IGF2BP1: variants seen among roughly 807,000 people sequenced by gnomAD.
IGF2BP1 encodes the protein insulin like growth factor 2 mRNA binding protein 1, also known as insulin-like growth factor 2 mRNA-binding protein 1.
IGF2BP1 carries 11 observed loss-of-function variants against 74.9 expected under a neutral mutation model. The ratio of observed to expected loss-of-function variants is 0.15; its 90% confidence interval spans 0.09 to 0.24. IGF2BP1 has a LOEUF of 0.24. Ranked by LOEUF, IGF2BP1 falls within the 10% of genes least tolerant of loss-of-function variation. The pLI is 1.00. For synonymous variants in IGF2BP1, 287 were observed against 281.8 expected (o/e 1.02, Z -0.18); for missense variants, 440 against 757.4 (o/e 0.58, Z 4.92).
At chr17:49,031,833 G>A in intron 4 of IGF2BP1, 77 bp from the exon 5 acceptor site, 1 of 1,312,532 alleles carries the variant, frequency 7.6e-7, no homozygotes, top group Non-Finnish European at 1.1e-6. Context: ...TCAAAACGTG[G>A]AAAGCTGGAG....
In IGF2BP1 at chr17:49,049,687, C is replaced by T; in HGVS notation, c.*243C>T. ...GGGTGTCAGAAATTCTAGCGCAAGGCACTTTTAAACGTGGATTGTTTAAAG... is the reference window on the plus strand; with the variant it reads ...GGGTGTCAGAAATTCTAGCGCAAGGTACTTTTAAACGTGGATTGTTTAAAG... On this transcript the variant is annotated 3_prime_UTR_variant, in exon 15 of 15. Transcript: ENST00000290341. 2.1e-6 allele frequency: 1 copy of T among 469,882 alleles called. No individual in the cohort carries two copies. Among genetic ancestry groups the T allele is most frequent in the Non-Finnish European group, 3.9e-6 (1 of 258,512 alleles). The allele number at this position is 469,882 out of a possible 1,614,324, so 29.1% of individuals were successfully genotyped here. A position where few individuals can be genotyped will look rare whatever the true frequency, so the allele number is the denominator to read the frequency against.
rs117000444 is a variant in IGF2BP1 at position 49,000,321 on chromosome 17, G to T, written c.236+1152G>T. Among the ~76,000 whole-genome samples the T allele has an allele frequency of 1.7e-3, 256 of 152,220 alleles. 9 individuals are homozygous for T. In the East Asian group the frequency reaches 0.047, roughly 28 times the overall value. On this transcript the variant is annotated intron_variant, in intron 2 of 14. Coordinates refer to ENST00000290341, the MANE Select transcript of IGF2BP1 (RefSeq NM_006546.4). The stretch of plus-strand genomic sequence containing the variant: ...CTTTTTCTGGGGGACCATTAAGAGG[G>T]CCTAGAAAGTTTAATGTGAGATAAA...
At chr17:49,043,920 G>A (rs73336317) in intron 10 of IGF2BP1, 47 bp from the exon 11 acceptor site, 3 of 1,604,948 alleles carry the variant, frequency 1.9e-6, no homozygotes, top group South Asian at 2.2e-5. Flanking sequence ...GGGTTTCTGG[G>A]CCATGCTACT....
intron 9 of IGF2BP1, 35 bp downstream of exon 9, chr17:49,042,412 C>G (rs772825071): frequency 6.2e-7 from 1 of 1,613,404 alleles, no homozygotes; most frequent in Non-Finnish European, 8.5e-7. Flanking sequence ...CTTATCCTTT[C>G]CTGAGTCTTA....
intron 4 of IGF2BP1, among the ~76,000 whole-genome samples, chr17:49,027,033 G>A (rs574220100): frequency 3.9e-5 from 6 of 152,302 alleles, no homozygotes; most frequent in South Asian, 2.1e-4. Context: ...GAGCCATTGC[G>A]CCCGGCCTCT....
intron 1 of IGF2BP1, 24 bp from the exon 2 acceptor site, chr17:48,999,085 T>TA (rs2041450078): frequency 7.3e-7 from 1 of 1,375,334 alleles, no homozygotes; most frequent in Non-Finnish European, 1.0e-6. Context: ...GCTCTCATGG[T>TA]AATTTTTTTT....
rs1000657008 is a variant in IGF2BP1, at chr17:49,053,678, C to G, written c.*4234C>G. ...TTCCCCTCCTCCCAACCCAGACATA[C>G]CCTCTGCCAAACTGGGAACCAGCAG... On this transcript the variant is annotated 3_prime_UTR_variant, in exon 15 of 15. Transcript: ENST00000290341. 6.5e-6 allele frequency: 1 copy of G among 152,736 alleles called. No individual in the cohort carries two copies. Among genetic ancestry groups the G allele is most frequent in the African/African-American group, 2.4e-5 (1 of 41,450 alleles). 9.5% of individuals were successfully genotyped at this position (152,736 alleles called of 1,614,324 possible). A position where few individuals can be genotyped will look rare whatever the true frequency, so the allele number is the denominator to read the frequency against.
At chr17:49,030,522 C>T (rs1385079755) in intron 4 of IGF2BP1, among the ~76,000 whole-genome samples, 1 of 152,096 alleles carries the variant, frequency 6.6e-6, no homozygotes, top group East Asian at 1.9e-4. Flanking sequence ...TTAGGTGTTT[C>T]CAAGTGTTGT....
chr17:49,038,078 CT>C, intron 5 of IGF2BP1, 89 bp from the exon 6 acceptor site: 1 of 1,198,434 alleles, frequency 8.3e-7, no homozygotes, highest in Non-Finnish European at 1.1e-6. Context: ...GTGTTCCAAG[CT>C]GTAACTTACT....
intron 4 of IGF2BP1, among the ~76,000 whole-genome samples, chr17:49,029,517 G>A (rs576007511): frequency 6.6e-6 from 1 of 152,162 alleles, no homozygotes; most frequent in African/African-American, 2.4e-5. Context: ...TCAGTGTTGT[G>A]GGGGGCAGAG....
At chr17:49,043,633 G>T in intron 10 of IGF2BP1, 83 bp downstream of exon 10, 1 of 1,521,866 alleles carries the variant, frequency 6.6e-7, no homozygotes, top group Admixed American at 1.9e-5. Context: ...TCTGGGAGTT[G>T]GATGCTTGGC....
At chr17:49,036,034 C>A (rs909879157) in intron 5 of IGF2BP1, among the ~76,000 whole-genome samples, 3 of 151,712 alleles carry the variant, frequency 2.0e-5, no homozygotes, top group African/African-American at 7.3e-5. Context: ...ATTTTACTAA[C>A]TTAATCCTCA....
chr17:49,042,495 T>A, intron 9 of IGF2BP1, 118 bp downstream of exon 9: 3 of 1,068,512 alleles, frequency 2.8e-6, no homozygotes, highest in Non-Finnish European at 4.2e-6. Flanking sequence ...CTTTAGTTGA[T>A]GCTTTTGGAC....
chr17:49,005,426 G>A (rs1279822641), intron 2 of IGF2BP1, among the ~76,000 whole-genome samples: 1 of 152,222 alleles, frequency 6.6e-6, no homozygotes, highest in Non-Finnish European at 1.5e-5. Flanking sequence ...CGATGATTAA[G>A]AGAAGTTTTG....
Position 49,038,417 on chromosome 17 carries a change from C to A in IGF2BP1, c.651C>A (p.Thr217=). 6.4e-7 allele frequency: 1 copy of A among 1,563,970 alleles called. No homozygotes were observed. Among genetic ancestry groups the A allele is most frequent in the Non-Finnish European group, 8.7e-7 (1 of 1,154,124 alleles). The change falls in exon 6 of 15, where the codon ACC becomes ACA. Residue 217 remains threonine, a synonymous_variant. Coordinates refer to ENST00000290341, the MANE Select transcript of IGF2BP1 (RefSeq NM_006546.4). ...CCATTATTGGCAAGGAGGGGGCCAC[C>A]ATCCGCAACATCACAAAACAGACCC... ...VGAIIGKEGA[T]IRNITKQTQS...
At chr17:48,999,645 A>T (rs985874217) in intron 2 of IGF2BP1, among the ~76,000 whole-genome samples, 1 of 151,910 alleles carries the variant, frequency 6.6e-6, no homozygotes, top group Non-Finnish European at 1.5e-5. Context: ...CCCGGCCCCC[A>T]AAGAATCCCC....
chr17:49,023,477 T>A lies in IGF2BP1; in HGVS notation c.237-2141T>A, dbSNP rs183255505. Reference sequence around the variant, plus strand: ...TAAACCTGGAGATACTGAGGTCATATGGGTAAAGTGAGTGAACTGGCTCAG... The same window carrying A: ...TAAACCTGGAGATACTGAGGTCATAAGGGTAAAGTGAGTGAACTGGCTCAG... On this transcript the variant is annotated intron_variant, in intron 2 of 14. Transcript: ENST00000290341. 2.2e-4 allele frequency among the ~76,000 whole-genome samples: 33 copies of A among 152,340 alleles called. 1 individual carries two copies. The East Asian group carries it at 6.2e-3, about 28-fold the overall frequency.
chr17:49,001,669 C>T (rs909076293), intron 2 of IGF2BP1, among the ~76,000 whole-genome samples: 1 of 152,152 alleles, frequency 6.6e-6, no homozygotes, highest in Non-Finnish European at 1.5e-5. Flanking sequence ...TCTTAGAGAT[C>T]ACCATCTCAA....
chr17:49,021,900 G>T (rs1401396712), intron 2 of IGF2BP1, among the ~76,000 whole-genome samples: 1 of 152,180 alleles, frequency 6.6e-6, no homozygotes, highest in Non-Finnish European at 1.5e-5. Context: ...TGGGGAGATG[G>T]GGGTGGGGCT....
Sources: allele counts gnomAD v4.1 joint callset (sites outside exome capture counted in the v4.1 genomes callset), GRCh38; gene constraint gnomAD v4.1.1; transcripts MANE v1.5; gene names NCBI Gene and HGNC (gene_info 2026-07-23, HGNC 2026-07-21).